CFAP299: variants seen among roughly 807,000 people sequenced by gnomAD.
The protein encoded by CFAP299 is cilia- and flagella-associated protein 299.
A neutral mutation model predicts 27.0 loss-of-function variants in CFAP299; 21 were observed. The observed-to-expected ratio is 0.78, with a 90% CI of 0.55 to 1.12. CFAP299 has a LOEUF of 1.12. CFAP299 is among the 50% of genes most tolerant of loss of function. The pLI, the probability that CFAP299 is intolerant of heterozygous loss-of-function variation, is 0.00. For missense variants in CFAP299, 310 were observed against 276.6 expected, an observed-to-expected ratio of 1.12 and a Z score of -0.86; for synonymous variants, 104 against 98.1, an observed-to-expected ratio of 1.06 and a Z score of -0.36.
chr4:80,567,731 T>TTATATATATATATATATA (rs10605376), intron 2 of CFAP299, among the ~76,000 whole-genome samples: 16 of 148,830 alleles, frequency 1.1e-4, no homozygotes, highest in African/African-American at 3.9e-4. Flanking sequence ...TCTAATGTAT[T>TTATATATATATATATATA]TATATATATA....
At chr4:80,560,763 G>A (rs958053955) in intron 2 of CFAP299, among the ~76,000 whole-genome samples, 8 of 152,126 alleles carry the variant, frequency 5.3e-5, no homozygotes, top group Non-Finnish European at 1.2e-4. Flanking sequence ...GAAGGACTAT[G>A]TTTTGTGGTC....
chr4:80,954,080 A>T (rs138194758), intron 5 of CFAP299, among the ~76,000 whole-genome samples: 1 of 152,202 alleles, frequency 6.6e-6, no homozygotes, highest in South Asian at 2.1e-4. Flanking sequence ...GGAAGAGAGT[A>T]GAAGTTAATT....
chr4:80,846,310 A>G (rs1017868380), intron 3 of CFAP299, among the ~76,000 whole-genome samples: 3 of 152,160 alleles, frequency 2.0e-5, no homozygotes, highest in African/African-American at 7.2e-5. Flanking sequence ...AGCTCATTCC[A>G]TGTTTTCAGG....
At chr4:80,465,516 A>C (rs1026437980) in intron 2 of CFAP299, among the ~76,000 whole-genome samples, 1 of 152,176 alleles carries the variant, frequency 6.6e-6, no homozygotes, top group Admixed American at 6.5e-5. Flanking sequence ...TACTGTGGGG[A>C]GCGGTGAGGG....
intron 2 of CFAP299, among the ~76,000 whole-genome samples, chr4:80,416,116 T>G (rs371428919): frequency 6.6e-6 from 1 of 152,190 alleles, no homozygotes; most frequent in Non-Finnish European, 1.5e-5. Context: ...AAGCACAAAT[T>G]GTTATTAGTA....
chr4:80,838,819 C>G (rs1730708349), intron 3 of CFAP299, among the ~76,000 whole-genome samples: 1 of 151,728 alleles, frequency 6.6e-6, no homozygotes, highest in Admixed American at 6.6e-5. Flanking sequence ...TATTTTTTAA[C>G]CTATTGAGTG....
chr4:80,606,139 T>C (rs1442318410), intron 3 of CFAP299, among the ~76,000 whole-genome samples: 2 of 152,212 alleles, frequency 1.3e-5, no homozygotes, highest in African/African-American at 2.4e-5. Context: ...GTGGTATGTA[T>C]TGTAAAAGTG....
chr4:80,864,565 A>AGT (rs1732606631), intron 3 of CFAP299, among the ~76,000 whole-genome samples: 1 of 148,882 alleles, frequency 6.7e-6, no homozygotes, highest in Non-Finnish European at 1.5e-5. Flanking sequence ...TATAATAACT[A>AGT]AAACGTTTGT....
At chr4:80,487,630 C>T (rs1730894664) in intron 2 of CFAP299, among the ~76,000 whole-genome samples, 1 of 152,130 alleles carries the variant, frequency 6.6e-6, no homozygotes, top group African/African-American at 2.4e-5. Flanking sequence ...TTAGGGAGAT[C>T]AAGCTGTGTG....
chr4:80,840,816 GT>G (rs1286753275), intron 3 of CFAP299, among the ~76,000 whole-genome samples: 1 of 152,038 alleles, frequency 6.6e-6, no homozygotes, highest in Non-Finnish European at 1.5e-5. Context: ...CAAATAATTG[GT>G]TTGCCTTTTA....
In CFAP299 at chr4:80,891,125, A is replaced by C. The variant is rs1441638809; in HGVS notation, c.476+20990A>C. On this transcript the variant is annotated intron_variant, in intron 4 of 5. Coordinates refer to ENST00000358105, the MANE Select transcript of CFAP299 (RefSeq NM_152770.3). ...ATTGCTTTTGGTGTTTTGGACATGA[A>C]GTCCTTGCCCACGCCTATGTCCTGA... is the stretch of plus-strand genomic sequence containing the variant. Among the ~76,000 whole-genome samples, 63 of 149,794 alleles carry C rather than the reference A, an allele frequency of 4.2e-4. 1 individual carries two copies. In the Admixed American group the frequency reaches 4.2e-3, roughly 10 times the overall value.
intron 3 of CFAP299, among the ~76,000 whole-genome samples, chr4:80,821,668 A>G (rs1288622011): frequency 6.6e-6 from 1 of 152,086 alleles, no homozygotes. Context: ...CAGACCCTAA[A>G]AGTTCCTGCT....
chr4:80,930,652 T>C (rs1015982245), intron 4 of CFAP299, among the ~76,000 whole-genome samples: 1 of 152,144 alleles, frequency 6.6e-6, no homozygotes, highest in Non-Finnish European at 1.5e-5. Context: ...ATGTTGATTG[T>C]TGTGGGTGAA....
intron 4 of CFAP299, 114 bp downstream of exon 4, chr4:80,870,249 G>A: frequency 7.6e-7 from 1 of 1,314,824 alleles, no homozygotes; most frequent in Non-Finnish European, 9.9e-7. Context: ...TGATATAACT[G>A]GTTATTAATA....
chr4:80,800,354 A>G (rs1402784647), intron 3 of CFAP299, among the ~76,000 whole-genome samples: 1 of 63,754 alleles, frequency 1.6e-5, no homozygotes, highest in Non-Finnish European at 2.6e-5. Flanking sequence ...TATAATATAT[A>G]TGATATATTA....
chr4:80,791,277 G>T (rs866777899), intron 3 of CFAP299, among the ~76,000 whole-genome samples: 12 of 152,054 alleles, frequency 7.9e-5, no homozygotes, highest in African/African-American at 2.6e-4. Context: ...TGGTCTTTAA[G>T]GTCATATAGA....
chr4:80,475,681 T>C (rs1578487800), intron 2 of CFAP299, among the ~76,000 whole-genome samples: 2 of 152,350 alleles, frequency 1.3e-5, no homozygotes, highest in Admixed American at 1.3e-4. Flanking sequence ...CCACTGTTGA[T>C]ATCTGAGTTT....
At chr4:80,619,477 A>G (rs957137456) in intron 3 of CFAP299, among the ~76,000 whole-genome samples, 22 of 152,116 alleles carry the variant, frequency 1.4e-4, no homozygotes, top group African/African-American at 5.1e-4. Context: ...TCTCTTCACT[A>G]CTGAAAGAAG....
chr4:80,572,838 A>G (rs753172419), intron 2 of CFAP299, among the ~76,000 whole-genome samples: 1 of 151,896 alleles, frequency 6.6e-6, no homozygotes, highest in African/African-American at 2.4e-5. Flanking sequence ...TTTTTATTCC[A>G]TATGTATATG....
Sources: gnomAD v4.1 joint callset for allele counts (sites outside exome capture counted in the v4.1 genomes callset) on GRCh38, gnomAD v4.1.1 for gene constraint, MANE v1.5 for transcripts, NCBI Gene and HGNC (gene_info 2026-07-23, HGNC 2026-07-21) for gene names.